The following MMP16 variants were observed in gnomAD, a reference collection of about 807,000 sequenced individuals.
MMP16 encodes matrix metalloproteinase-16.
Under a neutral mutation model 67.8 loss-of-function variants are expected in MMP16, and 12 were observed. That is an observed-to-expected ratio of 0.18 (90% CI 0.11 to 0.29). The LOEUF (loss-of-function observed/expected upper bound fraction) is 0.29, where lower values mean the gene tolerates loss of function less well. MMP16 is among the 10% of genes least tolerant of loss of function. The pLI, the probability that MMP16 is intolerant of heterozygous loss-of-function variation, is 1.00. For synonymous variants in MMP16, 249 were observed against 255.9 expected, an observed-to-expected ratio of 0.97 and a Z score of 0.26; for missense variants, 475 against 765.7, an observed-to-expected ratio of 0.62 and a Z score of 4.48.
chr8:88,235,656 A>C (rs1315242455), intron 1 of MMP16, among the ~76,000 whole-genome samples: 3 of 152,120 alleles, frequency 2.0e-5, no homozygotes, highest in Non-Finnish European at 4.4e-5. Context: ...CTAGCGTTAG[A>C]AAGCTTTGTC....
chr8:88,280,318 T>C (rs977196386), intron 1 of MMP16, among the ~76,000 whole-genome samples: 1 of 152,192 alleles, frequency 6.6e-6, no homozygotes, highest in South Asian at 2.1e-4. Flanking sequence ...TATCCTAAAA[T>C]TTAAACTCCA....
intron 6 of MMP16, among the ~76,000 whole-genome samples, chr8:88,106,017 C>CAT (rs1396530109): frequency 1.4e-5 from 2 of 146,342 alleles, no homozygotes; most frequent in African/African-American, 2.5e-5. Context: ...CACACACATG[C>CAT]ATATATATAC....
intron 3 of MMP16, among the ~76,000 whole-genome samples, chr8:88,169,680 G>C (rs544983172): frequency 1.3e-5 from 2 of 152,230 alleles, no homozygotes; most frequent in Admixed American, 6.5e-5. Flanking sequence ...TGCAGGCAAG[G>C]AAGAAGAAAT....
chr8:88,201,144 C>CA (rs71277984), intron 1 of MMP16, among the ~76,000 whole-genome samples: 28 of 109,414 alleles, frequency 2.6e-4, no homozygotes, highest in Non-Finnish European at 3.3e-4. Flanking sequence ...TTTCCCCCCC[C>CA]AAAAAAAAAA....
At chr8:88,077,086 A>G (rs182215904) in intron 6 of MMP16, among the ~76,000 whole-genome samples, 1 of 152,320 alleles carries the variant, frequency 6.6e-6, no homozygotes, top group East Asian at 1.9e-4. Flanking sequence ...AGCATAGTCA[A>G]TTTGCAAAAA....
At chr8:88,236,751 A>ACCCTTTCAAGATTTCT (rs1186286932) in intron 1 of MMP16, among the ~76,000 whole-genome samples, 1 of 137,066 alleles carries the variant, frequency 7.3e-6, no homozygotes, top group Non-Finnish European at 1.5e-5. Flanking sequence ...CTGAAAAATA[A>ACCCTTTCAAGATTTCT]CAACAACAAA....
rs1233764320 is a variant in MMP16 at position 88,058,061 on chromosome 8, A to T, written c.1223-1783T>A. On this transcript the variant is annotated intron_variant, in intron 7 of 9. Transcript: ENST00000286614. The surrounding 1 kb of genome is among the most constrained non-coding windows in gnomAD (Gnocchi z 4.2). ...TCTGAAGAAATACACCAAAATCTAA[A>T]GAAAGAGAAGGTAATAAATATGCAA... 1.3e-5 allele frequency among the ~76,000 whole-genome samples: 2 copies of T among 152,200 alleles called. No individual in the cohort carries two copies. Among genetic ancestry groups the T allele is most frequent in the Non-Finnish European group, 2.9e-5 (2 of 68,030 alleles).
At chr8:88,125,470 G>T (rs1807911421) in intron 4 of MMP16, among the ~76,000 whole-genome samples, 1 of 151,790 alleles carries the variant, frequency 6.6e-6, no homozygotes, top group Non-Finnish European at 1.5e-5. Flanking sequence ...ATATGTAAGT[G>T]CCAAACATTT....
chr8:88,238,726 T>A (rs1195525383), intron 1 of MMP16, among the ~76,000 whole-genome samples: 1 of 151,964 alleles, frequency 6.6e-6, no homozygotes, highest in Non-Finnish European at 1.5e-5. Flanking sequence ...CTGCCTTTTT[T>A]ATACTGCATA....
At chr8:88,078,562 TA>T (rs1808691138) in intron 6 of MMP16, among the ~76,000 whole-genome samples, 1 of 152,168 alleles carries the variant, frequency 6.6e-6, no homozygotes, top group African/African-American at 2.4e-5. Flanking sequence ...AGGATCCTTT[TA>T]AAAAATGAAT....
intron 6 of MMP16, among the ~76,000 whole-genome samples, chr8:88,077,558 A>G (rs1808671554): frequency 6.6e-6 from 1 of 152,172 alleles, no homozygotes; most frequent in Non-Finnish European, 1.5e-5. Flanking sequence ...TCCACTAAAT[A>G]TATAAGCTCT....
At chr8:88,278,822 C>G (rs1399147484) in intron 1 of MMP16, among the ~76,000 whole-genome samples, 1 of 152,056 alleles carries the variant, frequency 6.6e-6, no homozygotes, top group Non-Finnish European at 1.5e-5. Context: ...ACTTTATTAT[C>G]TAGGGGCATT....
In MMP16 at chr8:88,036,193, G is replaced by A. The variant is rs1418828755; in HGVS notation, c.*5268C>T. Reference sequence around the variant, plus strand: ...CCTGTAAGGCAATGCATGAGTATCAGATGTGTTTAAGCACAGTAACATCTA... The same window carrying A: ...CCTGTAAGGCAATGCATGAGTATCAAATGTGTTTAAGCACAGTAACATCTA... On this transcript the variant is annotated 3_prime_UTR_variant, in exon 10 of 10. Coordinates refer to ENST00000286614, the MANE Select transcript of MMP16 (RefSeq NM_005941.5). 2 of 151,914 alleles carry A rather than the reference G, an allele frequency of 1.3e-5. No individual in the cohort carries two copies. Among genetic ancestry groups the A allele is most frequent in the African/African-American group, 4.8e-5 (2 of 41,420 alleles). 9.4% of individuals were successfully genotyped at this position (151,914 alleles called of 1,614,324 possible).
chr8:88,073,346 CA>C (rs1226755120), intron 7 of MMP16, among the ~76,000 whole-genome samples: 3 of 152,136 alleles, frequency 2.0e-5, no homozygotes, highest in Non-Finnish European at 4.4e-5. Context: ...GAATAGCTGG[CA>C]TTTATTGAGG....
chr8:88,266,496 A>C (rs1420592441), intron 1 of MMP16, among the ~76,000 whole-genome samples: 1 of 152,160 alleles, frequency 6.6e-6, no homozygotes, highest in Non-Finnish European at 1.5e-5. Flanking sequence ...ACTTAGTGAA[A>C]TTGTAGCATA....
At chr8:88,068,533 C>T (rs1808492718) in intron 7 of MMP16, among the ~76,000 whole-genome samples, 1 of 151,960 alleles carries the variant, frequency 6.6e-6, no homozygotes, top group African/African-American at 2.4e-5. Context: ...TCAGCCTTTA[C>T]ATTTAGGTTA....
At chr8:88,161,327 A>G (rs1459293228) in intron 4 of MMP16, among the ~76,000 whole-genome samples, 1 of 152,032 alleles carries the variant, frequency 6.6e-6, no homozygotes, top group Non-Finnish European at 1.5e-5. Flanking sequence ...TTTCTGGTTT[A>G]TTTGCGTAGA....
rs2129754565 is a variant in MMP16, at chr8:88,186,617, A to G, written c.282-19T>C. The G allele has an allele frequency of 1.3e-6, 2 of 1,579,172 alleles. No individual in the cohort carries two copies. Among genetic ancestry groups the G allele is most frequent in the South Asian group, 1.2e-5 (1 of 84,172 alleles). ...CATCCAGCTGCAAAAAAAAAAAAAA[A>G]AAAAAAAAAGCAGTATTTTCCAGTT... On this transcript the variant is annotated intron_variant, in intron 2 of 9. Coordinates refer to ENST00000286614, the MANE Select transcript of MMP16 (RefSeq NM_005941.5).
rs549174593 is a variant in MMP16 at position 88,209,433 on chromosome 8, T to C, written c.133-12127A>G. Among the ~76,000 whole-genome samples, 286 of 152,316 alleles carry C rather than the reference T, an allele frequency of 1.9e-3. 1 individual carries two copies. The highest frequency in any genetic ancestry group is 5.4e-3 in the African/African-American group (225 of 41,578). On this transcript the variant is annotated intron_variant, in intron 1 of 9. Coordinates refer to ENST00000286614, the MANE Select transcript of MMP16 (RefSeq NM_005941.5). ...GTTAGAATACAGTATATAATACCTA[T>C]AACATGCAAATATGGGTTAATCAAC...
Sources: gnomAD v4.1 joint callset for allele counts (sites outside exome capture counted in the v4.1 genomes callset) on GRCh38, gnomAD v4.1.1 for gene constraint, Gnocchi (gnomAD v3.1) non-coding constraint, MANE v1.5 for transcripts, NCBI Gene and HGNC (gene_info 2026-07-23, HGNC 2026-07-21) for gene names.